MON1A: variants seen among roughly 807,000 people sequenced by gnomAD.
MON1A encodes the protein vacuolar fusion protein MON1 homolog A.
Under a neutral mutation model 44.6 loss-of-function variants are expected in MON1A, and 29 were observed. That is an observed-to-expected ratio of 0.65 (90% confidence interval 0.48 to 0.89). MON1A has a LOEUF of 0.89. Ranked by LOEUF, MON1A falls within the 40% of genes least tolerant of loss-of-function variation. The pLI, the probability that MON1A is intolerant of heterozygous loss-of-function variation, is 0.00. For missense variants in MON1A, 615 were observed against 759.6 expected (o/e 0.81, Z 2.24); for synonymous variants, 275 against 316.4 (o/e 0.87, Z 1.39).
At chr3:49,918,380 C>T (rs1014518146) in intron 1 of MON1A, among the ~76,000 whole-genome samples, 1 of 151,654 alleles carries the variant, frequency 6.6e-6, no homozygotes, top group East Asian at 1.9e-4. Context: ...AGATTACCAC[C>T]ACGAGCTTAC....
intron 1 of MON1A, 34 bp from the exon 2 acceptor site, chr3:49,913,393 T>C: frequency 6.3e-7 from 1 of 1,588,274 alleles, no homozygotes; most frequent in Non-Finnish European, 8.6e-7. Context: ...TCGATGGCTT[T>C]TGGCAGGGTC....
Position 49,909,869 on chromosome 3 carries a change from G to A in MON1A, c.1379+250C>T, listed in dbSNP as rs1262793042. The A allele has an allele frequency of 2.2e-6, 1 of 464,342 alleles. No individual in the cohort carries two copies. Among genetic ancestry groups the A allele is most frequent in the East Asian group, 3.4e-5 (1 of 29,728 alleles). 28.8% of individuals were successfully genotyped at this position (464,342 alleles called of 1,614,324 possible). A position where few individuals can be genotyped will look rare whatever the true frequency, so the allele number is the denominator to read the frequency against. ...AGGGCAAGGGACCCCGGAGACCTCTGTTCCAGTTTCCTTCTCTGGGTATAT... is the reference window on the plus strand; with the variant it reads ...AGGGCAAGGGACCCCGGAGACCTCTATTCCAGTTTCCTTCTCTGGGTATAT... On this transcript the variant is annotated intron_variant, in intron 4 of 5. Transcript: ENST00000296473. The surrounding 1 kb of genome is among the most constrained non-coding windows in gnomAD (Gnocchi z 4.0).
chr3:49,918,276 G>A (rs907909831), intron 1 of MON1A, among the ~76,000 whole-genome samples: 14 of 151,830 alleles, frequency 9.2e-5, no homozygotes, highest in Non-Finnish European at 1.8e-4. Flanking sequence ...GGCAGAGGTT[G>A]CAGTGAGCCG....
chr3:49,925,413 C>T (rs2083044541), intron 1 of MON1A, among the ~76,000 whole-genome samples: 3 of 152,138 alleles, frequency 2.0e-5, no homozygotes, highest in Non-Finnish European at 2.9e-5. Context: ...CCACACCTGG[C>T]CCAGTGTATG....
intron 1 of MON1A, 94 bp downstream of exon 1, chr3:49,929,515 C>CT (rs2083076710): frequency 7.1e-7 from 1 of 1,404,284 alleles, no homozygotes; most frequent in African/African-American, 1.4e-5. Flanking sequence ...GCGTTGATGG[C>CT]TGGAGGCCCC....
rs2082846311 is a variant in MON1A at position 49,909,232 on chromosome 3, C to T, written c.1527+21G>A. The T allele has an allele frequency of 1.2e-6, 2 of 1,613,678 alleles. No homozygotes were observed. The highest frequency in any genetic ancestry group is 1.6e-4 in the Middle Eastern group (1 of 6,080). ...TACCTAGGACCTCCATAAAGCCCAG[C>T]CCATCCCAGGGCTGCCTTACCCAGG... On this transcript the variant is annotated intron_variant, in intron 5 of 5. Coordinates refer to ENST00000296473, the MANE Select transcript of MON1A (RefSeq NM_032355.4). This position sits in a 1 kb window ranked among gnomAD's most constrained non-coding sequence, Gnocchi z 4.0.
rs149835471 is a variant in MON1A, at chr3:49,910,373, G to A, written c.1125C>T (p.Ala375=). The A allele has an allele frequency of 9.9e-6, 16 of 1,614,230 alleles. No individual in the cohort carries two copies. The highest frequency in any genetic ancestry group is 1.6e-4 in the Middle Eastern group (1 of 6,062). ...AAGAGATGTGTGCGTGGAAGAAGCC[G>A]GCTGCGTTGAATTTGGGCAGGCACA... is the stretch of plus-strand genomic sequence containing the variant. ...TPVCLPKFNA[A]GFFHAHISYL... The change falls in exon 4 of 6, where the codon GCC becomes GCT. Residue 375 remains alanine (A), a synonymous_variant. Coordinates refer to ENST00000296473, the MANE Select transcript of MON1A (RefSeq NM_032355.4). The surrounding 1 kb of genome is among the most constrained non-coding windows in gnomAD (Gnocchi z 8.0).
intron 1 of MON1A, among the ~76,000 whole-genome samples, chr3:49,914,078 TTTCTTC>T (rs1209116849): frequency 6.6e-6 from 1 of 151,150 alleles, no homozygotes; most frequent in Non-Finnish European, 1.5e-5. Flanking sequence ...CTAATTTTCT[TTTCTTC>T]TTCTTCTTTT....
chr3:49,929,770 C>A lies in MON1A; in HGVS notation c.-175G>T, dbSNP rs943173689. The A allele has an allele frequency of 3.9e-6, 6 of 1,549,016 alleles. No individual in the cohort carries two copies. Among genetic ancestry groups the A allele is most frequent in the Non-Finnish European group, 5.2e-6 (6 of 1,146,696 alleles). On this transcript the variant is annotated 5_prime_UTR_variant, in exon 1 of 6. Coordinates refer to ENST00000296473, the MANE Select transcript of MON1A (RefSeq NM_032355.4). ...AGACATGGCCACAGCGCAGGCACCGCTCCCTCCCACCGCCCTCACCCGGCC... is the reference window on the plus strand; with the variant it reads ...AGACATGGCCACAGCGCAGGCACCGATCCCTCCCACCGCCCTCACCCGGCC...
rs371451807 is a variant in MON1A at position 49,912,017 on chromosome 3, G to A, written c.128-6C>T. 3.8e-5 allele frequency: 59 copies of A among 1,559,518 alleles called. No homozygotes were observed. Among genetic ancestry groups the A allele is most frequent in the African/African-American group, 3.5e-4 (26 of 73,618 alleles). The stretch of plus-strand genomic sequence containing the variant: ...GGCACCCTCCTGGCCCGCACCTGCA[G>A]GCCAAAAGCACTGGTGCTTAGAGGG... On this transcript the variant is annotated splice_polypyrimidine_tract_variant and splice_region_variant and intron_variant, in intron 2 of 5. Coordinates refer to ENST00000296473, the MANE Select transcript of MON1A (RefSeq NM_032355.4).
At chr3:49,917,805 G>C (rs2082959475) in intron 1 of MON1A, among the ~76,000 whole-genome samples, 1 of 151,808 alleles carries the variant, frequency 6.6e-6, no homozygotes, top group Admixed American at 6.6e-5. Flanking sequence ...CCAGCACTTT[G>C]GGAAGCCGAG....
At position 49,911,387 on chromosome 3, in the gene MON1A, C is replaced by T; in HGVS notation, c.613+139G>A. 1 of 1,316,620 alleles carries T rather than the reference C, an allele frequency of 7.6e-7. No homozygotes were observed. Among genetic ancestry groups the T allele is most frequent in the Non-Finnish European group, 1.0e-6 (1 of 972,678 alleles). The allele number at this position is 1,316,620 out of a possible 1,614,324, so 81.6% of individuals were successfully genotyped here. A position where few individuals can be genotyped will look rare whatever the true frequency, so the allele number is the denominator to read the frequency against. On this transcript the variant is annotated intron_variant, in intron 3 of 5. Coordinates refer to ENST00000296473, the MANE Select transcript of MON1A (RefSeq NM_032355.4). The surrounding 1 kb of genome is among the most constrained non-coding windows in gnomAD (Gnocchi z 5.7). ...TGTTATCTTCTGTTCAGGTGAGGAC[C>T]TTGAAGCTCAGAGAGGTAGAGGGAC...
Position 49,911,491 on chromosome 3 carries a change from G to C in MON1A, c.613+35C>G. 6.4e-7 allele frequency: 1 copy of C among 1,574,116 alleles called. No individual in the cohort carries two copies. The highest frequency in any genetic ancestry group is 8.6e-7 in the Non-Finnish European group (1 of 1,159,152). On this transcript the variant is annotated intron_variant, in intron 3 of 5. Coordinates refer to ENST00000296473, the MANE Select transcript of MON1A (RefSeq NM_032355.4). This position sits in a 1 kb window ranked among gnomAD's most constrained non-coding sequence, Gnocchi z 5.7. ...CCTGCTATGAATGAACCTTGGCCAG[G>C]GGAGCCCGCCCCATTCCCTCTCCAG...
At chr3:49,913,456 C>T (rs1379505818) in intron 1 of MON1A, 97 bp from the exon 2 acceptor site, 1 of 1,140,786 alleles carries the variant, frequency 8.8e-7, no homozygotes, top group East Asian at 2.4e-5. Flanking sequence ...TTTATCAGGA[C>T]TCCACTAACT....
Position 49,918,178 on chromosome 3 carries a change from T to TA in MON1A, c.-13-4820dup, listed in dbSNP as rs966911880. Among the ~76,000 whole-genome samples, 403 of 149,618 alleles carry TA rather than the reference T, an allele frequency of 2.7e-3. 1 individual carries two copies. The highest frequency in any genetic ancestry group is 9.3e-3 in the African/African-American group (380 of 40,794). On this transcript the variant is annotated intron_variant, in intron 1 of 5. Coordinates refer to ENST00000296473, the MANE Select transcript of MON1A (RefSeq NM_032355.4). The stretch of plus-strand genomic sequence containing the variant: ...ATGGTGAAACCCCATCTCTACTAAA[T>TA]AAAAAAAAATTAGCCAGGTGTGGTG...
At chr3:49,923,318 C>T (rs62262094) in intron 1 of MON1A, among the ~76,000 whole-genome samples, 9,582 of 113,784 alleles carry the variant, frequency 0.084, 354 homozygotes, top group African/African-American at 0.093. Flanking sequence ...GGTGACACAG[C>T]GAGACTCTGG....
Position 49,908,972 on chromosome 3 carries a change from C to T in MON1A, c.*42G>A, listed in dbSNP as rs2108528193. 3.2e-6 allele frequency: 5 copies of T among 1,575,614 alleles called. No homozygotes were observed. Among genetic ancestry groups the T allele is most frequent in the East Asian group, 4.5e-5 (2 of 44,314 alleles). On this transcript the variant is annotated 3_prime_UTR_variant, in exon 6 of 6. Coordinates refer to ENST00000296473, the MANE Select transcript of MON1A (RefSeq NM_032355.4). ...ATCTGGAGGCTCCTATGGCTTCCCA[C>T]ACCTAGTGTGTCCAGGAAGGCTGAG...
Position 49,910,531 on chromosome 3 carries a change from G to C in MON1A, c.967C>G (p.Leu323Val), listed in dbSNP as rs2082864248. The change falls in exon 4 of 6, where the codon CTG becomes GTG. Residue 323 changes from leucine to valine, a missense_variant. Coordinates refer to ENST00000296473, the MANE Select transcript of MON1A (RefSeq NM_032355.4). This position sits in a 1 kb window ranked among gnomAD's most constrained non-coding sequence, Gnocchi z 8.0. The part of the protein sequence containing the change: ...ARARSLVFSI[L>V]LARNQLVALV... ...GCCACGAGCTGGTTGCGGGCCAGCA[G>C]GATGGAGAAGACCAGGCTGCGCGCA... 1 of 1,613,694 alleles carries C rather than the reference G, an allele frequency of 6.2e-7. No homozygotes were observed. Among genetic ancestry groups the C allele is most frequent in the African/African-American group, 1.3e-5 (1 of 74,948 alleles).
At chr3:49,929,362 G>A (rs1423440846) in intron 1 of MON1A, 7 of 579,826 alleles carry the variant, frequency 1.2e-5, no homozygotes, top group Non-Finnish European at 2.1e-5. Flanking sequence ...AGTGGGGAGA[G>A]TCCTACCTGG....
Sources: allele counts gnomAD v4.1 joint callset (sites outside exome capture counted in the v4.1 genomes callset), GRCh38; gene constraint gnomAD v4.1.1; non-coding constraint Gnocchi (gnomAD v3.1); transcripts MANE v1.5; gene names NCBI Gene and HGNC (gene_info 2026-07-23, HGNC 2026-07-21).